ADAMTS19: variants seen among roughly 807,000 people sequenced by gnomAD.
The protein encoded by ADAMTS19 is ADAM metallopeptidase with thrombospondin type 1 motif 19, also known as A disintegrin and metalloproteinase with thrombospondin motifs 19.
ADAMTS19 carries 93 observed loss-of-function variants against 153.3 expected under a neutral mutation model. The observed-to-expected ratio is 0.61, with a 90% CI of 0.51 to 0.72. The LOEUF is 0.72. ADAMTS19 is among the 30% of genes least tolerant of loss of function. The pLI is 0.00. For missense variants in ADAMTS19, 1,482 were observed against 1,552.1 expected (o/e 0.95, Z 0.76); for synonymous variants, 600 against 556.6 (o/e 1.08, Z -1.10).
At chr5:129,722,149 T>C (rs758249073) in intron 21 of ADAMTS19, among the ~76,000 whole-genome samples, 15 of 152,328 alleles carry the variant, frequency 9.8e-5, no homozygotes, top group Non-Finnish European at 2.2e-4. Context: ...ATGGTATTTC[T>C]GGTTCTAGAT....
chr5:129,594,768 T>C (rs1488204051), intron 7 of ADAMTS19, among the ~76,000 whole-genome samples: 3 of 152,100 alleles, frequency 2.0e-5, no homozygotes, highest in Non-Finnish European at 4.4e-5. Flanking sequence ...ATAATAAAAA[T>C]ATGATTTTCT....
chr5:129,643,591 G>GA (rs574189636), intron 11 of ADAMTS19, among the ~76,000 whole-genome samples: 3 of 151,424 alleles, frequency 2.0e-5, no homozygotes, highest in African/African-American at 4.9e-5. Context: ...AATTAGAAAA[G>GA]AAAAAATGTA....
At chr5:129,688,004 A>C (rs1755167317) in intron 18 of ADAMTS19, 1 of 152,184 alleles carries the variant, frequency 6.6e-6, no homozygotes, top group Non-Finnish European at 1.5e-5. Context: ...TGTTTAGTCA[A>C]CAGTTTTCGA....
chr5:129,623,794 A>G (rs753598010), intron 10 of ADAMTS19, among the ~76,000 whole-genome samples: 3 of 151,988 alleles, frequency 2.0e-5, no homozygotes, highest in Non-Finnish European at 2.9e-5. Flanking sequence ...GAGTGAATGT[A>G]TGGAGTTGGA....
At chr5:129,734,566 T>C (rs1215031059) in intron 21 of ADAMTS19, among the ~76,000 whole-genome samples, 1 of 152,004 alleles carries the variant, frequency 6.6e-6, no homozygotes, top group African/African-American at 2.4e-5. Flanking sequence ...AATTAAATAA[T>C]AATAAATCAA....
At chr5:129,664,604 A>G (rs1247263051) in intron 15 of ADAMTS19, among the ~76,000 whole-genome samples, 2 of 152,164 alleles carry the variant, frequency 1.3e-5, no homozygotes, top group Admixed American at 6.6e-5. Context: ...GGGAAGATGA[A>G]TAATTAATAA....
At chr5:129,488,052 C>T (rs767891391) in intron 2 of ADAMTS19, among the ~76,000 whole-genome samples, 7 of 151,810 alleles carry the variant, frequency 4.6e-5, no homozygotes, top group Non-Finnish European at 8.8e-5. Flanking sequence ...GTGTGTGGTA[C>T]GATTTTATCT....
intron 8 of ADAMTS19, among the ~76,000 whole-genome samples, chr5:129,617,900 A>T (rs960475459): frequency 2.0e-5 from 3 of 152,058 alleles, no homozygotes; most frequent in Admixed American, 1.3e-4. Flanking sequence ...GTATCTTTTG[A>T]CAAATTAGAA....
At chr5:129,472,476 A>C (rs1750099128) in intron 2 of ADAMTS19, among the ~76,000 whole-genome samples, 1 of 152,200 alleles carries the variant, frequency 6.6e-6, no homozygotes, top group Non-Finnish European at 1.5e-5. Context: ...TCCTCCCAGA[A>C]ACCGACTCAG....
At chr5:129,542,945 G>T (rs1752705057) in intron 6 of ADAMTS19, among the ~76,000 whole-genome samples, 2 of 151,934 alleles carry the variant, frequency 1.3e-5, no homozygotes, top group South Asian at 4.2e-4. Flanking sequence ...ATATACAAAA[G>T]AAGTGAAGAT....
intron 15 of ADAMTS19, among the ~76,000 whole-genome samples, chr5:129,659,064 T>C (rs1753715963): frequency 6.6e-6 from 1 of 152,202 alleles, no homozygotes; most frequent in Non-Finnish European, 1.5e-5. Flanking sequence ...TACTGGAAAA[T>C]AATGATTTGT....
rs775893351 is a variant in ADAMTS19, at chr5:129,461,167, C to A, written c.157C>A (p.Pro53Thr). 3.5e-5 allele frequency: 48 copies of A among 1,384,978 alleles called. No individual in the cohort carries two copies. In the East Asian group the frequency reaches 8.3e-4, roughly 24 times the overall value. The allele number at this position is 1,384,978 out of a possible 1,614,324, so 85.8% of individuals were successfully genotyped here. ...GTTTCCTGCGCTCTGGCGCCGGGAG[C>A]CGGTGGACCCGGCTGGCGGCAGCGG... Reference protein sequence around the residue: ...VVFPALWRREPVDPAGGSGGS... With the variant: ...VVFPALWRRETVDPAGGSGGS... Residue 53 changes from proline (P) to threonine (T), a missense_variant, in exon 2 of 23, where the codon CCG becomes ACG. Pro to Thr is a conservative substitution (Grantham distance 38). Transcript: ENST00000274487. This position sits in a 1 kb window ranked among gnomAD's most constrained non-coding sequence, Gnocchi z 4.6.
At chr5:129,566,366 C>G (rs1753708629) in intron 7 of ADAMTS19, among the ~76,000 whole-genome samples, 1 of 152,148 alleles carries the variant, frequency 6.6e-6, no homozygotes, top group Non-Finnish European at 1.5e-5. Context: ...AAGTAACTAT[C>G]TCTGTCTAGT....
At chr5:129,462,578 C>G (rs918152880) in intron 2 of ADAMTS19, among the ~76,000 whole-genome samples, 1 of 150,712 alleles carries the variant, frequency 6.6e-6, no homozygotes, top group Non-Finnish European at 1.5e-5. Flanking sequence ...GGGGTTGGGA[C>G]AAGCTTCTAT....
chr5:129,564,055 C>T (rs1312688052), intron 7 of ADAMTS19, among the ~76,000 whole-genome samples: 1 of 151,978 alleles, frequency 6.6e-6, no homozygotes, highest in Admixed American at 6.6e-5. Flanking sequence ...CCTTAGCTGG[C>T]ATTACAGGCA....
At chr5:129,680,673 A>G (rs1206620620) in intron 17 of ADAMTS19, among the ~76,000 whole-genome samples, 1 of 151,708 alleles carries the variant, frequency 6.6e-6, no homozygotes, top group Non-Finnish European at 1.5e-5. Context: ...GAGGCAGGAG[A>G]ATTGCTTGAA....
chr5:129,548,257 A>T (rs1226117731), intron 6 of ADAMTS19, among the ~76,000 whole-genome samples: 1 of 150,018 alleles, frequency 6.7e-6, no homozygotes, highest in Non-Finnish European at 1.5e-5. Flanking sequence ...AATGGGAGAA[A>T]ATTTTCACAA....
chr5:129,688,127 G>C (rs1719804756), intron 18 of ADAMTS19: 1 of 152,066 alleles, frequency 6.6e-6, no homozygotes, highest in South Asian at 2.1e-4. Context: ...AGAATTTCAA[G>C]GATCGCATCA....
intron 21 of ADAMTS19, among the ~76,000 whole-genome samples, chr5:129,712,168 G>C (rs1230232714): frequency 6.6e-6 from 1 of 152,028 alleles, no homozygotes; most frequent in Non-Finnish European, 1.5e-5. Context: ...TACAATTTTT[G>C]TAATTACAAA....
Sources: gnomAD v4.1 joint callset for allele counts (sites outside exome capture counted in the v4.1 genomes callset) on GRCh38, gnomAD v4.1.1 for gene constraint, Gnocchi (gnomAD v3.1) non-coding constraint, MANE v1.5 for transcripts, NCBI Gene and HGNC (gene_info 2026-07-23, HGNC 2026-07-21) for gene names.